Variants in GAB3 observed in about 807,000 individuals in gnomAD.
The protein encoded by GAB3 is GRB2-associated-binding protein 3.
Under a neutral mutation model 40.4 loss-of-function variants are expected in GAB3, and 12 were observed. The ratio of observed to expected loss-of-function variants is 0.30; its 90% CI spans 0.19 to 0.48. The LOEUF is 0.48. GAB3 is among the 20% of genes least tolerant of loss of function. GAB3 has a pLI of 0.99. For missense variants in GAB3, 381 were observed against 461.9 expected, an observed-to-expected ratio of 0.82 and a Z score of 1.61; for synonymous variants, 154 against 176.7, an observed-to-expected ratio of 0.87 and a Z score of 1.02.
At chrX:154,742,985 C>CATATAT (rs34588574) in intron 1 of GAB3, among the ~76,000 whole-genome samples, 3,244 of 92,221 alleles carry the variant, frequency 0.035, 64 homozygotes, top group South Asian at 0.064. Flanking sequence ...AGTGTGTGTA[C>CATATAT]ATATATATAT....
intron 1 of GAB3, among the ~76,000 whole-genome samples, chrX:154,731,812 C>T (rs2071295432): frequency 8.9e-6 from 1 of 112,031 alleles, no homozygotes; most frequent in Non-Finnish European, 1.9e-5. Flanking sequence ...TAATAGCTAA[C>T]ACGTATATCC....
chrX:154,693,576 A>T (rs2070605567), intron 8 of GAB3, among the ~76,000 whole-genome samples: 2 of 111,893 alleles, frequency 1.8e-5, no homozygotes, highest in Admixed American at 1.9e-4. Flanking sequence ...AATGGTTGCT[A>T]GGGGTTACAG....
intron 2 of GAB3, among the ~76,000 whole-genome samples, chrX:154,713,632 G>A (rs1047528926): frequency 1.7e-4 from 17 of 102,974 alleles, no homozygotes; most frequent in African/African-American, 6.0e-4. Flanking sequence ...TCAATTAAGA[G>A]TAAAAAACCC....
At chrX:154,679,391 T>G (rs925455552) in intron 9 of GAB3, 10 of 240,022 alleles carry the variant, frequency 4.2e-5, no homozygotes, top group Non-Finnish European at 7.3e-5. Flanking sequence ...GGGGGTTGTT[T>G]GTCTACCAAA....
intron 4 of GAB3, among the ~76,000 whole-genome samples, chrX:154,703,131 C>A (rs1181740749): frequency 2.7e-5 from 3 of 112,069 alleles, no homozygotes; most frequent in Non-Finnish European, 5.6e-5. Flanking sequence ...ACCACTCAAC[C>A]CAGCAGTCCC....
At chrX:154,706,446 G>T (rs781824389) in intron 4 of GAB3, among the ~76,000 whole-genome samples, 1 of 108,667 alleles carries the variant, frequency 9.2e-6, no homozygotes, top group African/African-American at 3.4e-5. Context: ...TGGATCAGAA[G>T]AATTAACATT....
Position 154,696,013 on chromosome X carries a change from T to C in GAB3, c.1434A>G (p.Arg478=). ...TTCTTTCTGGAGAGAGAAAGCTGGT[T>C]CGACTGCTAAGAATAAAAATATAGA... ...LTRTRTVPCS[R]TSFLSPERNG... The change falls in exon 8 of 10, where the codon CGA becomes CGG. Residue 478 remains arginine (R), a synonymous_variant. Coordinates refer to ENST00000424127, the MANE Select transcript of GAB3 (RefSeq NM_001081573.3). 1 of 1,153,655 alleles carries C rather than the reference T, an allele frequency of 8.7e-7. No individual in the cohort carries two copies.
chrX:154,684,985 T>G (rs1442664113), intron 8 of GAB3, among the ~76,000 whole-genome samples: 1 of 112,072 alleles, frequency 8.9e-6, no homozygotes, highest in East Asian at 2.8e-4. Context: ...TCCATGTTTT[T>G]AACTCCTCGT....
intron 6 of GAB3, among the ~76,000 whole-genome samples, chrX:154,698,593 C>A (rs782595478): frequency 4.5e-5 from 5 of 111,708 alleles, no homozygotes; most frequent in Non-Finnish European, 9.4e-5. Flanking sequence ...TGTAATCACA[C>A]AGCCAACTGG....
intron 8 of GAB3, among the ~76,000 whole-genome samples, chrX:154,689,043 A>G (rs1762024372): frequency 1.8e-5 from 2 of 111,135 alleles, no homozygotes; most frequent in African/African-American, 6.5e-5. Context: ...CGAATCCAGC[A>G]GCACATCAAA....
intron 8 of GAB3, among the ~76,000 whole-genome samples, chrX:154,686,891 GA>G (rs1218560987): frequency 1.8e-5 from 2 of 111,527 alleles, no homozygotes; most frequent in East Asian, 5.6e-4. Flanking sequence ...AAAAATCAAA[GA>G]AAATCTGAAT....
chrX:154,697,071 A>G (rs1429747530), intron 7 of GAB3, 61 bp downstream of exon 7: 5 of 930,908 alleles, frequency 5.4e-6, no homozygotes, highest in Non-Finnish European at 7.7e-6. Context: ...ATTTAATCAG[A>G]GGCCTAACAC....
intron 9 of GAB3, chrX:154,678,849 C>G (rs2070333994): frequency 7.5e-6 from 1 of 132,681 alleles, no homozygotes; most frequent in Non-Finnish European, 1.5e-5. Context: ...CTTCCCCAGC[C>G]ACGCTGAATT....
chrX:154,690,711 C>T (rs1248888773), intron 8 of GAB3, among the ~76,000 whole-genome samples: 7 of 111,590 alleles, frequency 6.3e-5, no homozygotes, highest in Non-Finnish European at 1.3e-4. Context: ...ATCAAAACCA[C>T]AATGAGATAC....
intron 1 of GAB3, among the ~76,000 whole-genome samples, chrX:154,717,788 C>A (rs1557257935): frequency 1.8e-5 from 2 of 111,916 alleles, no homozygotes; most frequent in African/African-American, 6.5e-5. Flanking sequence ...AACCTCCCTG[C>A]CCTCTCATGG....
At chrX:154,697,066 A>G (rs1360087491) in intron 7 of GAB3, 66 bp downstream of exon 7, 9 of 920,638 alleles carry the variant, frequency 9.8e-6, no homozygotes, top group Non-Finnish European at 1.4e-5. Flanking sequence ...ACTACATTTA[A>G]TCAGAGGCCT....
At chrX:154,715,866 C>A (rs782183553) in intron 2 of GAB3, among the ~76,000 whole-genome samples, 160 bp downstream of exon 2, 2 of 112,033 alleles carry the variant, frequency 1.8e-5, no homozygotes, top group Non-Finnish European at 3.8e-5. Context: ...TAAAAGAGGG[C>A]AATTTCCAGT....
At chrX:154,706,214 G>C (rs781864699) in intron 4 of GAB3, among the ~76,000 whole-genome samples, 1 of 110,851 alleles carries the variant, frequency 9.0e-6, no homozygotes. Flanking sequence ...TTGGGAGTTC[G>C]AGACCAGCCT....
intron 4 of GAB3, among the ~76,000 whole-genome samples, chrX:154,701,312 C>T (rs1557252198): frequency 8.9e-6 from 1 of 112,364 alleles, no homozygotes; most frequent in Non-Finnish European, 1.9e-5. Flanking sequence ...AGCACAAGCC[C>T]TTAACTCCCT....
Sources: allele counts gnomAD v4.1 joint callset (sites outside exome capture counted in the v4.1 genomes callset), GRCh38; gene constraint gnomAD v4.1.1; transcripts MANE v1.5; gene names NCBI Gene and HGNC (gene_info 2026-07-23, HGNC 2026-07-21).